Variants in PRUNE2 observed in about 807,000 individuals in gnomAD.
The protein encoded by PRUNE2 is protein prune homolog 2.
Under a neutral mutation model 252.0 loss-of-function variants are expected in PRUNE2, and 164 were observed. That is an observed-to-expected ratio of 0.65 (90% CI 0.57 to 0.74). PRUNE2 has a LOEUF of 0.74. PRUNE2 is among the 30% of genes least tolerant of loss of function. The pLI is 0.00. For missense variants in PRUNE2, 3,495 were observed against 3,711.0 expected (o/e 0.94, Z 1.51); for synonymous variants, 1,292 against 1,350.2 (o/e 0.96, Z 0.94).
At chr9:76,854,938 T>G (rs999204476) in intron 1 of PRUNE2, among the ~76,000 whole-genome samples, 7 of 151,008 alleles carry the variant, frequency 4.6e-5, no homozygotes, top group African/African-American at 1.7e-4. Context: ...TGGTGGCACG[T>G]GCCTGTAGTT....
intron 15 of PRUNE2, among the ~76,000 whole-genome samples, chr9:76,633,266 A>T (rs1378066273): frequency 6.6e-6 from 1 of 151,618 alleles, no homozygotes; most frequent in Non-Finnish European, 1.5e-5. Flanking sequence ...TAGTAAATTC[A>T]ATTTCGGTTT....
chr9:76,670,038 C>T (rs547719007), intron 9 of PRUNE2, among the ~76,000 whole-genome samples: 20 of 152,168 alleles, frequency 1.3e-4, no homozygotes, highest in African/African-American at 2.2e-4. Flanking sequence ...ACAAAATCTT[C>T]GGGGAGGAGC....
At chr9:76,625,898 C>A (rs910400724) in intron 16 of PRUNE2, among the ~76,000 whole-genome samples, 4 of 152,076 alleles carry the variant, frequency 2.6e-5, no homozygotes, top group Admixed American at 2.6e-4. Context: ...GGCTGAAATA[C>A]TGTATTGGGA....
chr9:76,687,876 T>C (rs1238794260), intron 9 of PRUNE2, among the ~76,000 whole-genome samples: 2 of 152,176 alleles, frequency 1.3e-5, no homozygotes, highest in Admixed American at 6.5e-5. Flanking sequence ...ATAGCAGCAG[T>C]TCCTCCAGAT....
At chr9:76,896,526 T>C (rs2062833317) in intron 1 of PRUNE2, among the ~76,000 whole-genome samples, 1 of 152,226 alleles carries the variant, frequency 6.6e-6, no homozygotes. Flanking sequence ...TGTGGAAGGA[T>C]GTTCATACTT....
chr9:76,651,217 G>GAA (rs11449835), intron 11 of PRUNE2, among the ~76,000 whole-genome samples: 4,595 of 150,522 alleles, frequency 0.031, 244 homozygotes, highest in African/African-American at 0.1. Context: ...ATAACTTATG[G>GAA]AAAAAAAAAA....
chr9:76,802,368 G>A (rs527711873), intron 6 of PRUNE2, among the ~76,000 whole-genome samples: 9 of 152,110 alleles, frequency 5.9e-5, no homozygotes, highest in Admixed American at 2.0e-4. Context: ...TTTGCTAAAC[G>A]AGAACCCTAT....
intron 9 of PRUNE2, among the ~76,000 whole-genome samples, chr9:76,687,884 G>A (rs905148027): frequency 1.1e-4 from 17 of 152,208 alleles, no homozygotes; most frequent in Non-Finnish European, 2.1e-4. Context: ...AGTTCCTCCA[G>A]ATGCGGGGGT....
intron 6 of PRUNE2, among the ~76,000 whole-genome samples, chr9:76,799,933 C>T (rs1375769200): frequency 6.6e-6 from 1 of 152,070 alleles, no homozygotes; most frequent in African/African-American, 2.4e-5. Context: ...CTGTGAGACC[C>T]GCTGCTCAAA....
At chr9:76,667,209 A>T (rs1057127973) in intron 9 of PRUNE2, among the ~76,000 whole-genome samples, 7 of 152,224 alleles carry the variant, frequency 4.6e-5, no homozygotes, top group African/African-American at 1.4e-4. Context: ...TGTGGCACAT[A>T]TTGTGCTCTC....
intron 6 of PRUNE2, chr9:76,778,495 A>G (rs749975426): frequency 2.0e-5 from 3 of 152,246 alleles, no homozygotes; most frequent in Non-Finnish European, 4.4e-5. Context: ...GGCCAGAGAC[A>G]CAGGAGATCA....
At chr9:76,885,243 T>C (rs945380535) in intron 1 of PRUNE2, among the ~76,000 whole-genome samples, 1 of 152,248 alleles carries the variant, frequency 6.6e-6, no homozygotes, top group African/African-American at 2.4e-5. Flanking sequence ...GAAGACATAA[T>C]GGTGTGTGCT....
chr9:76,734,827 C>T (rs957421276), intron 6 of PRUNE2, among the ~76,000 whole-genome samples: 5 of 152,104 alleles, frequency 3.3e-5, no homozygotes, highest in African/African-American at 9.7e-5. Context: ...GTGACCTGAG[C>T]GAGGCTACTC....
At chr9:76,762,290 T>A (rs1234115835) in intron 6 of PRUNE2, among the ~76,000 whole-genome samples, 3 of 152,222 alleles carry the variant, frequency 2.0e-5, no homozygotes, top group African/African-American at 7.2e-5. Context: ...GACAATACTC[T>A]CTGTTATTTC....
Position 76,710,695 on chromosome 9 carries a change from G to A in PRUNE2, c.1579C>T (p.Leu527=). The A allele has an allele frequency of 6.2e-7, 1 of 1,612,792 alleles. No homozygotes were observed. The highest frequency in any genetic ancestry group is 8.5e-7 in the Non-Finnish European group (1 of 1,179,340). ...CCAGCGGGGAGCTGTCCTTCTGACA[G>A]GTCACTGTTGGGGAAGAAGTCATCT... ...PADDFFPNSD[L]SEGQLPAGPE... The change falls in exon 8 of 19, where the codon CTG becomes TTG. Residue 527 remains leucine, a synonymous_variant. Coordinates refer to ENST00000376718, the MANE Select transcript of PRUNE2 (RefSeq NM_015225.3).
chr9:76,873,870 A>G (rs2061349310), intron 1 of PRUNE2, among the ~76,000 whole-genome samples: 1 of 152,228 alleles, frequency 6.6e-6, no homozygotes, highest in African/African-American at 2.4e-5. Flanking sequence ...GGCCACCGCA[A>G]GTACTAAAAT....
At chr9:76,760,949 G>A (rs548318711) in intron 6 of PRUNE2, among the ~76,000 whole-genome samples, 3 of 152,092 alleles carry the variant, frequency 2.0e-5, no homozygotes, top group East Asian at 1.9e-4. Flanking sequence ...AGCCGGGTGC[G>A]GTGGCCCATG....
rs1847865879 is a variant in PRUNE2, at chr9:76,652,637, G to C, written c.8403C>G (p.Ile2801Met). 6.2e-7 allele frequency: 1 copy of C among 1,612,950 alleles called. No individual in the cohort carries two copies. The highest frequency in any genetic ancestry group is 1.7e-5 in the Admixed American group (1 of 59,972). Residue 2801 changes from isoleucine to methionine, a missense_variant, in exon 11 of 19, where the codon ATC (isoleucine) becomes ATG (methionine). Transcript: ENST00000376718. ...LDLNDTHPRR[I>M]KLTAPNINLS... ...GATTGATATTTGGGGCTGTGAGCTTGATTCTCCGAGGATGAGTGTCATTAA... is the reference window on the plus strand; with the variant it reads ...GATTGATATTTGGGGCTGTGAGCTTCATTCTCCGAGGATGAGTGTCATTAA...
In PRUNE2 at chr9:76,846,531, C is replaced by G. The variant is rs756717032; in HGVS notation, c.492G>C (p.Leu164=). ...ATCTCTCACCTCTGAGGCGATGAGC[C>G]AGTTGCTCGGTGATGAGCTCAGGAG... is the stretch of plus-strand genomic sequence containing the variant. ...QEAPELITEQ[L]AHRLRGSILF... Residue 164 remains leucine, a synonymous_variant, in exon 4 of 19, where the codon CTG becomes CTC. Transcript: ENST00000376718. The G allele has an allele frequency of 2.5e-6, 4 of 1,613,506 alleles. No homozygotes were observed. The highest frequency in any genetic ancestry group is 2.5e-6 in the Non-Finnish European group (3 of 1,179,746).
Sources: allele counts gnomAD v4.1 joint callset (sites outside exome capture counted in the v4.1 genomes callset), GRCh38; gene constraint gnomAD v4.1.1; transcripts MANE v1.5; gene names NCBI Gene and HGNC (gene_info 2026-07-23, HGNC 2026-07-21).